The following RANBP2 variants were observed in gnomAD, a reference collection of about 807,000 sequenced individuals.
RANBP2 encodes the protein E3 SUMO-protein ligase RanBP2.
RANBP2 carries 57 observed loss-of-function variants against 303.6 expected under a neutral mutation model. The observed-to-expected ratio is 0.19, with a 90% confidence interval of 0.15 to 0.23. The LOEUF (loss-of-function observed/expected upper bound fraction) is 0.23, where lower values mean the gene tolerates loss of function less well. Among genes scored for constraint, RANBP2 ranks in the 10% least tolerant of loss-of-function variants. The pLI, the probability that RANBP2 is intolerant of heterozygous loss-of-function variation, is 1.00. For synonymous variants in RANBP2, 1,167 were observed against 1,301.5 expected (o/e 0.90, Z 2.23); for missense variants, 3,138 against 3,780.8 (o/e 0.83, Z 4.46).
At chr2:108,997,474 A>C in the RANBP2 span, among the ~76,000 whole-genome samples, 1 of 139,718 alleles carries the variant, frequency 7.2e-6, no homozygotes, top group Non-Finnish European at 1.5e-5. Flanking sequence ...GATGATGGTC[A>C]GTAAGGGTTT....
the RANBP2 span, among the ~76,000 whole-genome samples, chr2:108,805,325 T>G: frequency 6.6e-6 from 1 of 152,292 alleles, no homozygotes; most frequent in East Asian, 1.9e-4. Context: ...CATTCATTTA[T>G]TTTTGAGTAT....
the RANBP2 span, among the ~76,000 whole-genome samples, chr2:109,103,612 A>T: frequency 6.6e-6 from 1 of 152,126 alleles, no homozygotes; most frequent in Non-Finnish European, 1.5e-5. Context: ...GCGGTTATGG[A>T]AGCCAAGCTT....
the RANBP2 span, among the ~76,000 whole-genome samples, chr2:109,401,762 T>A: frequency 6.6e-6 from 1 of 152,320 alleles, no homozygotes; most frequent in African/African-American, 2.4e-5. Context: ...CACCAGCCTC[T>A]CATGTTGCCA....
At chr2:109,506,439 G>T in the RANBP2 span, among the ~76,000 whole-genome samples, 1 of 152,230 alleles carries the variant, frequency 6.6e-6, no homozygotes, top group African/African-American at 2.4e-5. Context: ...ATCTTAGAGA[G>T]GCACCTAAAC....
the RANBP2 span, among the ~76,000 whole-genome samples, chr2:108,924,268 C>T: frequency 6.6e-6 from 1 of 152,224 alleles, no homozygotes; most frequent in Non-Finnish European, 1.5e-5. Context: ...CAGGGGTCTG[C>T]CCTGTGGCTG....
chr2:109,304,607 C>T, the RANBP2 span, among the ~76,000 whole-genome samples: 4 of 152,184 alleles, frequency 2.6e-5, no homozygotes, highest in East Asian at 7.7e-4. Context: ...TCTTTAAGTT[C>T]AGACTATTTA....
At chr2:108,788,175 T>G, downstream of RANBP2, 1 of 1,391,112 alleles carries the variant, frequency 7.2e-7, no homozygotes, top group Middle Eastern at 2.6e-4. Flanking sequence ...TCCCAGCACT[T>G]TGGGAGGCCG....
the RANBP2 span, among the ~76,000 whole-genome samples, chr2:109,371,167 T>C: frequency 6.6e-6 from 1 of 152,170 alleles, no homozygotes; most frequent in Non-Finnish European, 1.5e-5. Flanking sequence ...GGCGGGCAGA[T>C]TGCCTGAGCT....
At chr2:109,307,685 GC>G in the RANBP2 span, among the ~76,000 whole-genome samples, 1 of 145,710 alleles carries the variant, frequency 6.9e-6, no homozygotes, top group Non-Finnish European at 1.5e-5. Context: ...TTGGTTTTTT[GC>G]TCTTGCGATA....
the RANBP2 span, among the ~76,000 whole-genome samples, chr2:109,166,963 A>G: frequency 6.6e-6 from 1 of 152,204 alleles, no homozygotes; most frequent in East Asian, 1.9e-4. Flanking sequence ...TTCTTGTAAA[A>G]GGGCCATCCC....
the RANBP2 span, among the ~76,000 whole-genome samples, chr2:109,541,010 A>G: frequency 9.8e-5 from 15 of 152,334 alleles, no homozygotes; most frequent in African/African-American, 3.6e-4. Flanking sequence ...TAAATCTACC[A>G]TATTACTACA....
chr2:109,616,199 C>T, the RANBP2 span: 1 of 1,330,210 alleles, frequency 7.5e-7, no homozygotes. Context: ...ATGGATGGGG[C>T]GGAGTTCTCT....
the RANBP2 span, among the ~76,000 whole-genome samples, chr2:109,512,297 C>T: frequency 1.3e-5 from 2 of 152,058 alleles, no homozygotes; most frequent in Non-Finnish European, 2.9e-5. Flanking sequence ...GCCCTGCATC[C>T]CTGCTGCTCC....
intron 7 of RANBP2, among the ~76,000 whole-genome samples, chr2:108,741,400 G>T (rs1696075708): frequency 6.8e-6 from 1 of 146,732 alleles, no homozygotes; most frequent in Admixed American, 6.9e-5. Context: ...GTTTCACCAT[G>T]TTGGCCAGGA....
downstream of RANBP2, chr2:108,788,058 T>C (rs762804213): frequency 1.9e-6 from 3 of 1,595,012 alleles, no homozygotes; most frequent in Non-Finnish European, 2.6e-6. Flanking sequence ...TTTATCAGTC[T>C]AAGTATAAGA....
the RANBP2 span, among the ~76,000 whole-genome samples, chr2:108,842,184 C>T: frequency 6.9e-6 from 1 of 145,574 alleles, no homozygotes. Context: ...TTCGCCACCA[C>T]ACCTGGCTAA....
chr2:108,772,750 T>C (rs1677596716), intron 22 of RANBP2, 118 bp from the exon 23 acceptor site: 1 of 1,252,032 alleles, frequency 8.0e-7, no homozygotes, highest in Non-Finnish European at 1.1e-6. Context: ...TCCTTGTTTT[T>C]CATTAGTATG....
the RANBP2 span, among the ~76,000 whole-genome samples, chr2:109,469,645 G>T: frequency 1.7e-3 from 254 of 152,318 alleles, 1 homozygote; most frequent in Non-Finnish European, 2.0e-3. Context: ...CACTGGTCTT[G>T]TGTACTTCTG....
the RANBP2 span, among the ~76,000 whole-genome samples, chr2:109,678,006 G>T: frequency 6.6e-6 from 1 of 152,218 alleles, no homozygotes; most frequent in East Asian, 1.9e-4. Flanking sequence ...ATCAGGCAGT[G>T]CACCCGTGGT....
Sources: gnomAD v4.1 joint callset for allele counts (sites outside exome capture counted in the v4.1 genomes callset) on GRCh38, gnomAD v4.1.1 for gene constraint, MANE v1.5 for transcripts, NCBI Gene and HGNC (gene_info 2026-07-23, HGNC 2026-07-21) for gene names.